The following TDRD9 variants were observed in gnomAD, a reference collection of about 807,000 sequenced individuals.
TDRD9 encodes the protein tudor domain containing 9.
TDRD9 carries 124 observed loss-of-function variants against 172.6 expected under a neutral mutation model. The ratio of observed to expected loss-of-function variants is 0.72; its 90% CI spans 0.62 to 0.83. The LOEUF (loss-of-function observed/expected upper bound fraction) is 0.83. Among genes scored for constraint, TDRD9 ranks in the 40% least tolerant of loss-of-function variants. The pLI is 0.00. For synonymous variants in TDRD9, 619 were observed against 617.1 expected, an observed-to-expected ratio of 1.00 and a Z score of -0.05; for missense variants, 1,479 against 1,714.1, an observed-to-expected ratio of 0.86 and a Z score of 2.42.
At chr14:103,928,842 C>A (rs1341372513) in intron 1 of TDRD9, 118 bp downstream of exon 1, 5 of 304,992 alleles carry the variant, frequency 1.6e-5, no homozygotes, top group South Asian at 1.6e-4. Context: ...GCTCCAGGGA[C>A]CCCTGACCGT....
chr14:104,030,262 G>A (rs1299172153), intron 28 of TDRD9, among the ~76,000 whole-genome samples: 2 of 152,200 alleles, frequency 1.3e-5, no homozygotes, highest in Non-Finnish European at 2.9e-5. Flanking sequence ...GGAGGCCCAG[G>A]TGGGCAGATC....
chr14:104,006,739 C>T (rs778753424), intron 17 of TDRD9, 30 bp downstream of exon 17: 2 of 1,613,148 alleles, frequency 1.2e-6, no homozygotes, highest in East Asian at 4.5e-5. Context: ...TAAAGTGTCA[C>T]TGTATTTTAA....
At chr14:103,982,728 C>G (rs971165243) in intron 7 of TDRD9, among the ~76,000 whole-genome samples, 1 of 151,968 alleles carries the variant, frequency 6.6e-6, no homozygotes, top group Non-Finnish European at 1.5e-5. Context: ...ACGGAGAAAC[C>G]CCAACTCTAC....
chr14:103,952,211 TATATATATA>T (rs1231104215), intron 1 of TDRD9, among the ~76,000 whole-genome samples: 7 of 81,212 alleles, frequency 8.6e-5, no homozygotes, highest in African/African-American at 2.6e-4. Context: ...TATATATATA[TATATATATA>T]TTTTTTTTTT....
At chr14:104,042,630 T>C (rs1021903640) in intron 34 of TDRD9, among the ~76,000 whole-genome samples, 1 of 152,128 alleles carries the variant, frequency 6.6e-6, no homozygotes, top group African/African-American at 2.4e-5. Flanking sequence ...CAAACCAGAA[T>C]GCAGACACAA....
intron 31 of TDRD9, among the ~76,000 whole-genome samples, 197 bp downstream of exon 31, chr14:104,034,266 C>T (rs1285293051): frequency 6.9e-6 from 1 of 145,750 alleles, no homozygotes; most frequent in Non-Finnish European, 1.5e-5. Context: ...TCTCGGCTCA[C>T]TGCAAGCTCC....
chr14:104,028,841 T>C (rs2035199189), intron 28 of TDRD9, among the ~76,000 whole-genome samples: 1 of 152,242 alleles, frequency 6.6e-6, no homozygotes, highest in South Asian at 2.1e-4. Context: ...TAACCCATTT[T>C]GAGTTGATTT....
At chr14:103,965,934 G>C (rs2032722794) in intron 4 of TDRD9, among the ~76,000 whole-genome samples, 1 of 151,996 alleles carries the variant, frequency 6.6e-6, no homozygotes, top group South Asian at 2.1e-4. Flanking sequence ...AACAGAGTGA[G>C]ACTCTGTCTC....
chr14:104,035,990 T>A (rs1004482774), intron 32 of TDRD9, among the ~76,000 whole-genome samples: 33 of 152,180 alleles, frequency 2.2e-4, no homozygotes, highest in African/African-American at 7.7e-4. Flanking sequence ...TAGTGCTTTT[T>A]TTTTTAGTTG....
chr14:104,031,605 C>A (rs2035286288), intron 29 of TDRD9, among the ~76,000 whole-genome samples: 1 of 151,752 alleles, frequency 6.6e-6, no homozygotes, highest in Non-Finnish European at 1.5e-5. Context: ...CCGGTGCTGC[C>A]CGCCTGCTTG....
intron 35 of TDRD9, among the ~76,000 whole-genome samples, 196 bp from the exon 36 acceptor site, chr14:104,051,785 T>G (rs992795551): frequency 5.9e-5 from 9 of 152,252 alleles, no homozygotes; most frequent in African/African-American, 2.2e-4. Flanking sequence ...CCATCTTTAA[T>G]GGGGTTATTT....
chr14:103,938,187 A>G (rs2030895240), intron 1 of TDRD9, among the ~76,000 whole-genome samples: 1 of 151,992 alleles, frequency 6.6e-6, no homozygotes, highest in East Asian at 1.9e-4. Context: ...ATATTATTAA[A>G]TGGATTGGGC....
At chr14:103,939,613 A>G (rs538188801) in intron 1 of TDRD9, among the ~76,000 whole-genome samples, 2 of 140,570 alleles carry the variant, frequency 1.4e-5, no homozygotes, top group Non-Finnish European at 3.1e-5. Flanking sequence ...TTAAGACCAA[A>G]TAGAGGTCAG....
At position 103,970,579 on chromosome 14, in the gene TDRD9, G is replaced by T. The variant is rs770787877; in HGVS notation, c.804G>T (p.Leu268Phe). 5 of 1,551,688 alleles carry T rather than the reference G, an allele frequency of 3.2e-6. No individual in the cohort carries two copies. The South Asian group carries it at 5.9e-5, about 18-fold the overall frequency. Reference sequence around the variant, plus strand: ...CAGAAGAAATGGATTTCCTGCTATTGGTAGTCCGCAAACTCTTAAGAACAA... The same window carrying T: ...CAGAAGAAATGGATTTCCTGCTATTTGTAGTCCGCAAACTCTTAAGAACAA... ...ERTEEMDFLL[L>F]VVRKLLRTNS... is the part of the protein sequence containing the mutation. The change falls in exon 6 of 36, where the codon TTG becomes TTT. Residue 268 changes from leucine (L) to phenylalanine (F), a missense_variant. Leu to Phe is a conservative substitution (Grantham distance 22). Coordinates refer to ENST00000409874, the MANE Select transcript of TDRD9 (RefSeq NM_153046.3).
At chr14:103,975,232 A>G (rs182767358) in intron 6 of TDRD9, among the ~76,000 whole-genome samples, 157 bp from the exon 7 acceptor site, 3 of 152,388 alleles carry the variant, frequency 2.0e-5, no homozygotes, top group African/African-American at 4.8e-5. Context: ...TGTTTAAACT[A>G]CAATAATTAC....
At chr14:104,009,947 CTT>C (rs553694826) in intron 20 of TDRD9, among the ~76,000 whole-genome samples, 23 of 135,150 alleles carry the variant, frequency 1.7e-4, no homozygotes, top group East Asian at 2.1e-4. Context: ...TTCTTTCTTT[CTT>C]TTTTTTTTTT....
intron 3 of TDRD9, among the ~76,000 whole-genome samples, chr14:103,964,419 A>G (rs1454803304): frequency 1.3e-5 from 2 of 152,200 alleles, no homozygotes; most frequent in African/African-American, 4.8e-5. Context: ...ATCTAATTTT[A>G]CATTTTCATT....
chr14:103,998,673 T>C lies in TDRD9; in HGVS notation c.1428T>C (p.Asn476=), dbSNP rs754425363. 3 of 1,612,036 alleles carry C rather than the reference T, an allele frequency of 1.9e-6. No individual in the cohort carries two copies. The South Asian group carries it at 3.3e-5, about 18-fold the overall frequency. The change falls in exon 13 of 36, where the codon AAT becomes AAC. Residue 476 remains asparagine, a synonymous_variant. Coordinates refer to ENST00000409874, the MANE Select transcript of TDRD9 (RefSeq NM_153046.3). ...CTTTGGTCTGTGATGAAGATACAAA[T>C]TATCAGAGTCTGCGATTGAGTTGGG... is the stretch of plus-strand genomic sequence containing the variant. ...TRTLVCDEDT[N]YQSLRLSWAS...
intron 34 of TDRD9, among the ~76,000 whole-genome samples, chr14:104,045,787 A>G: frequency 6.6e-6 from 1 of 151,964 alleles, no homozygotes; most frequent in Non-Finnish European, 1.5e-5. Context: ...TGTCTCAAGT[A>G]CTCACTTGCC....
Sources: allele counts gnomAD v4.1 joint callset (sites outside exome capture counted in the v4.1 genomes callset), GRCh38; gene constraint gnomAD v4.1.1; transcripts MANE v1.5; gene names NCBI Gene and HGNC (gene_info 2026-07-23, HGNC 2026-07-21).